Variants in PRKN observed in about 807,000 individuals in gnomAD.
PRKN encodes E3 ubiquitin-protein ligase parkin.
In PRKN, 56 loss-of-function variants were observed where a neutral mutation model predicts 59.5. That is an observed-to-expected ratio of 0.94 (90% confidence interval 0.76 to 1.18). The LOEUF is 1.18. PRKN is among the 50% of genes most tolerant of loss of function. The probability of loss-of-function intolerance (pLI) is 0.00; values close to 1 mark genes in which losing one functional copy is unlikely to be tolerated. For missense variants in PRKN, 657 were observed against 596.4 expected (o/e 1.10, Z -1.06); for synonymous variants, 250 against 222.1 (o/e 1.13, Z -1.12).
intron 1 of PRKN, among the ~76,000 whole-genome samples, chr6:162,521,844 T>C (rs1778089786): frequency 6.6e-6 from 1 of 152,166 alleles, no homozygotes; most frequent in Non-Finnish European, 1.5e-5. Context: ...TAAGAAAACC[T>C]AAGCAAATTG....
intron 6 of PRKN, among the ~76,000 whole-genome samples, chr6:161,875,646 C>T (rs1438545028): frequency 6.6e-6 from 1 of 152,056 alleles, no homozygotes; most frequent in South Asian, 2.1e-4. Flanking sequence ...TGATGAGAGA[C>T]TAACATTTAG....
Position 162,495,423 on chromosome 6 carries a change from G to A in PRKN, c.8-51950C>T, listed in dbSNP as rs925931253. 4.6e-5 allele frequency among the ~76,000 whole-genome samples: 7 copies of A among 152,190 alleles called. No individual in the cohort carries two copies. The South Asian group carries it at 1.5e-3, about 32-fold the overall frequency. ...AAATGGTATTAAGTTGTGTCCAAATGACACAGTGGGCCAGTGGCTGGGGGA... is the reference window on the plus strand; with the variant it reads ...AAATGGTATTAAGTTGTGTCCAAATAACACAGTGGGCCAGTGGCTGGGGGA... On this transcript the variant is annotated intron_variant, in intron 1 of 11. Coordinates refer to ENST00000366898, the MANE Select transcript of PRKN (RefSeq NM_004562.3).
intron 5 of PRKN, among the ~76,000 whole-genome samples, chr6:161,976,567 T>A (rs1237890243): frequency 1.3e-5 from 2 of 152,222 alleles, no homozygotes; most frequent in Non-Finnish European, 2.9e-5. Context: ...TTCCTTTTAC[T>A]CAATCTTTTG....
intron 9 of PRKN, among the ~76,000 whole-genome samples, chr6:161,513,126 T>C (rs1778454341): frequency 6.6e-6 from 1 of 152,250 alleles, no homozygotes; most frequent in African/African-American, 2.4e-5. Flanking sequence ...TGGCGACTCA[T>C]GAAAATGATA....
rs553321479 is a variant in PRKN at position 161,533,610 on chromosome 6, G to A, written c.1083+15244C>T. On this transcript the variant is annotated intron_variant, in intron 9 of 11. Coordinates refer to ENST00000366898, the MANE Select transcript of PRKN (RefSeq NM_004562.3). The surrounding 1 kb of genome is among the most constrained non-coding windows in gnomAD (Gnocchi z 4.1). Reference sequence around the variant, plus strand: ...AGCCTTCTTCGCGTGCTAAGTAAACGTCACACCTGGTCAAACCAATCTGTG... The same window carrying A: ...AGCCTTCTTCGCGTGCTAAGTAAACATCACACCTGGTCAAACCAATCTGTG... 1.3e-5 allele frequency among the ~76,000 whole-genome samples: 2 copies of A among 152,226 alleles called. No individual in the cohort carries two copies. Among genetic ancestry groups the A allele is most frequent in the South Asian group, 2.1e-4 (1 of 4,824 alleles).
chr6:161,706,388 C>T (rs1178507667), intron 7 of PRKN, among the ~76,000 whole-genome samples: 1 of 152,160 alleles, frequency 6.6e-6, no homozygotes, highest in African/African-American at 2.4e-5. Flanking sequence ...CACCAAGGTG[C>T]TCCCATAACA....
chr6:162,727,637 C>T (rs1779347509), intron 1 of PRKN, 25 bp downstream of exon 1: 2 of 1,582,594 alleles, frequency 1.3e-6, no homozygotes, highest in South Asian at 1.1e-5. Context: ...CGCAGAGAGG[C>T]TGTACCTGGC....
At chr6:162,609,815 C>A (rs1782072272) in intron 1 of PRKN, among the ~76,000 whole-genome samples, 1 of 152,120 alleles carries the variant, frequency 6.6e-6, no homozygotes. Flanking sequence ...TAGGTTAGTA[C>A]CAGTGATTCT....
intron 1 of PRKN, among the ~76,000 whole-genome samples, chr6:162,516,027 A>G (rs1027450222): frequency 1.3e-5 from 2 of 152,196 alleles, no homozygotes; most frequent in Non-Finnish European, 2.9e-5. Flanking sequence ...TTCTTACCCC[A>G]GTAAGCTGCT....
chr6:162,556,448 A>G (rs1240749791), intron 1 of PRKN, among the ~76,000 whole-genome samples: 3 of 146,226 alleles, frequency 2.1e-5, no homozygotes, highest in Admixed American at 7.0e-5. Context: ...CTAGTGCATC[A>G]TGTTGAAACT....
chr6:162,225,352 C>T (rs1778124510), intron 3 of PRKN, among the ~76,000 whole-genome samples: 1 of 152,182 alleles, frequency 6.6e-6, no homozygotes, highest in Non-Finnish European at 1.5e-5. Context: ...GACCAAGACT[C>T]AACAGGAGCT....
rs142167690 is a variant in PRKN at position 162,565,455 on chromosome 6, G to T, written c.8-121982C>A. Among the ~76,000 whole-genome samples the T allele has an allele frequency of 2.6e-4, 39 of 152,210 alleles. No individual in the cohort carries two copies. In the East Asian group the frequency reaches 7.5e-3, roughly 29 times the overall value. ...TCCCGGCACTTTGGAAGGCTGAGGT[G>T]GGCGGGTCACCTGCCTGGGAGGTCA... On this transcript the variant is annotated intron_variant, in intron 1 of 11. Transcript: ENST00000366898.
intron 5 of PRKN, among the ~76,000 whole-genome samples, chr6:161,986,396 C>T (rs139468679): frequency 6.6e-6 from 1 of 152,070 alleles, no homozygotes; most frequent in Non-Finnish European, 1.5e-5. Context: ...TTGAGCTAAT[C>T]CCCAATTTAG....
intron 1 of PRKN, among the ~76,000 whole-genome samples, chr6:162,644,262 T>A (rs1479322360): frequency 2.0e-5 from 3 of 151,898 alleles, no homozygotes; most frequent in Non-Finnish European, 2.9e-5. Context: ...GTCCACACCA[T>A]CCTCCAGGCA....
intron 7 of PRKN, among the ~76,000 whole-genome samples, chr6:161,693,604 T>C (rs1400348879): frequency 3.9e-5 from 6 of 152,216 alleles, no homozygotes; most frequent in Non-Finnish European, 8.8e-5. Context: ...CCCTCTCATT[T>C]CTTTCTAATA....
At chr6:162,060,400 T>C (rs2128287430) in intron 4 of PRKN, among the ~76,000 whole-genome samples, 1 of 152,324 alleles carries the variant, frequency 6.6e-6, no homozygotes, top group Non-Finnish European at 1.5e-5. Context: ...AATGTTACTG[T>C]CTATAGAAAA....
rs547441384 is a variant in PRKN at position 161,393,264 on chromosome 6, C to T, written c.1084-6387G>A. Among the ~76,000 whole-genome samples the T allele has an allele frequency of 5.9e-5, 9 of 152,118 alleles. 1 individual carries two copies. In the South Asian group the frequency reaches 1.7e-3, roughly 28 times the overall value. ...TGTAGAAAAATAAGAGGGTAGTAAG[C>T]GCCTTGTTAATTAAAGCAGTTCCCA... On this transcript the variant is annotated intron_variant, in intron 9 of 11. Coordinates refer to ENST00000366898, the MANE Select transcript of PRKN (RefSeq NM_004562.3). The surrounding 1 kb of genome is among the most constrained non-coding windows in gnomAD (Gnocchi z 4.7).
chr6:162,321,942 C>T (rs906659513), intron 2 of PRKN, among the ~76,000 whole-genome samples: 6 of 151,908 alleles, frequency 3.9e-5, no homozygotes, highest in East Asian at 3.9e-4. Context: ...GAGATTGAGG[C>T]CTTAATGTTA....
intron 1 of PRKN, among the ~76,000 whole-genome samples, chr6:162,446,921 G>C (rs911141794): frequency 1.3e-5 from 2 of 152,128 alleles, no homozygotes; most frequent in African/African-American, 4.8e-5. Flanking sequence ...AGTCACAGAA[G>C]GCAGAACGTC....
Sources: allele counts gnomAD v4.1 joint callset (sites outside exome capture counted in the v4.1 genomes callset), GRCh38; gene constraint gnomAD v4.1.1; non-coding constraint Gnocchi (gnomAD v3.1); transcripts MANE v1.5; gene names NCBI Gene and HGNC (gene_info 2026-07-23, HGNC 2026-07-21).